The following CTNND2 variants were observed in gnomAD, a reference collection of about 807,000 sequenced individuals.
CTNND2 encodes catenin delta-2.
CTNND2 carries 22 observed loss-of-function variants against 144.4 expected under a neutral mutation model. That is an observed-to-expected ratio of 0.15 (90% CI 0.11 to 0.22). The LOEUF (loss-of-function observed/expected upper bound fraction) is 0.22. CTNND2 is among the 10% of genes least tolerant of loss of function. The pLI is 1.00. For missense variants in CTNND2, 1,353 were observed against 1,618.8 expected (o/e 0.84, Z 2.82); for synonymous variants, 751 against 695.6 (o/e 1.08, Z -1.25).
intron 3 of CTNND2, among the ~76,000 whole-genome samples, chr5:11,481,650 A>G (rs912689849): frequency 6.6e-6 from 1 of 152,142 alleles, no homozygotes; most frequent in Non-Finnish European, 1.5e-5. Context: ...AGAAAGAGAC[A>G]GAGAGACAGA....
At chr5:11,142,916 G>C (rs901471382) in intron 12 of CTNND2, among the ~76,000 whole-genome samples, 1 of 152,206 alleles carries the variant, frequency 6.6e-6, no homozygotes, top group African/African-American at 2.4e-5. Context: ...TTAGCCAACT[G>C]GTCTTGGGCA....
chr5:10,999,508 C>A (rs184634731), intron 18 of CTNND2, among the ~76,000 whole-genome samples: 1 of 152,130 alleles, frequency 6.6e-6, no homozygotes, highest in Non-Finnish European at 1.5e-5. Flanking sequence ...AGAATCACCA[C>A]GGTAACCGGG....
At chr5:11,634,514 G>T (rs555401187) in intron 2 of CTNND2, among the ~76,000 whole-genome samples, 2 of 152,236 alleles carry the variant, frequency 1.3e-5, no homozygotes, top group South Asian at 4.1e-4. Context: ...GGATGAGGAG[G>T]TTACAAACCA....
intron 3 of CTNND2, among the ~76,000 whole-genome samples, chr5:11,420,812 C>G (rs1373386463): frequency 6.6e-6 from 1 of 152,106 alleles, no homozygotes; most frequent in Non-Finnish European, 1.5e-5. Flanking sequence ...TTTGCTTTAA[C>G]TATTGCCATC....
chr5:11,413,618 T>C (rs903516144), intron 3 of CTNND2, among the ~76,000 whole-genome samples: 4 of 152,178 alleles, frequency 2.6e-5, no homozygotes, highest in Non-Finnish European at 5.9e-5. Context: ...TATATGTATT[T>C]TGGGGCCCTA....
At chr5:11,199,969 T>C (rs1737261136) in intron 10 of CTNND2, among the ~76,000 whole-genome samples, 1 of 152,214 alleles carries the variant, frequency 6.6e-6, no homozygotes, top group Admixed American at 6.5e-5. Flanking sequence ...ACCTCATGGA[T>C]GAAGCACATG....
At chr5:11,104,555 G>A (rs1027987278) in intron 14 of CTNND2, among the ~76,000 whole-genome samples, 7 of 152,112 alleles carry the variant, frequency 4.6e-5, no homozygotes, top group Admixed American at 4.6e-4. Flanking sequence ...CAGCTTTTGG[G>A]GGGTTAAAGG....
chr5:11,580,322 T>G (rs781163590), intron 2 of CTNND2, among the ~76,000 whole-genome samples: 2 of 152,194 alleles, frequency 1.3e-5, no homozygotes, highest in Non-Finnish European at 2.9e-5. Context: ...TTAAGGTATT[T>G]TCCATGGAGT....
chr5:11,084,259 G>A (rs1002732044), intron 15 of CTNND2, among the ~76,000 whole-genome samples: 27 of 152,300 alleles, frequency 1.8e-4, no homozygotes, highest in Non-Finnish European at 3.7e-4. Flanking sequence ...TGGGAATCCG[G>A]AACTGATATC....
chr5:11,438,925 T>A (rs1764010719), intron 3 of CTNND2, among the ~76,000 whole-genome samples: 1 of 152,090 alleles, frequency 6.6e-6, no homozygotes, highest in African/African-American at 2.4e-5. Flanking sequence ...AACATAGCGA[T>A]TAAAAAGTGG....
intron 9 of CTNND2, among the ~76,000 whole-genome samples, chr5:11,305,881 C>T (rs755023492): frequency 2.0e-5 from 3 of 152,138 alleles, no homozygotes; most frequent in Admixed American, 6.5e-5. Flanking sequence ...GGATGGCCCC[C>T]GAGGAAGGCC....
At chr5:11,128,887 A>AAT (rs1366437193) in intron 12 of CTNND2, among the ~76,000 whole-genome samples, 1 of 62,816 alleles carries the variant, frequency 1.6e-5, no homozygotes, top group African/African-American at 5.3e-5. Flanking sequence ...ATAATACATA[A>AAT]ATATATATTA....
chr5:10,977,158 G>T (rs989674387), intron 21 of CTNND2, among the ~76,000 whole-genome samples: 1 of 152,208 alleles, frequency 6.6e-6, no homozygotes, highest in African/African-American at 2.4e-5. Flanking sequence ...TCCTGGCTGG[G>T]GGACTGAAGG....
intron 9 of CTNND2, among the ~76,000 whole-genome samples, chr5:11,337,694 A>G (rs982080577): frequency 3.9e-5 from 6 of 152,232 alleles, no homozygotes; most frequent in African/African-American, 1.4e-4. Flanking sequence ...TTATTTGAGA[A>G]TTCAGTAGAT....
In CTNND2 at chr5:10,997,595, A is replaced by C. The variant is rs972078741; in HGVS notation, c.3085-4918T>G. ...AACAGAGCTAGACTCCATCTTAAAA[A>C]AAAAAAAAAAAAATTTAAATCCCTG... is the stretch of plus-strand genomic sequence containing the variant. On this transcript the variant is annotated intron_variant, in intron 18 of 21. Coordinates refer to ENST00000304623, the MANE Select transcript of CTNND2 (RefSeq NM_001332.4). Among the ~76,000 whole-genome samples the C allele has an allele frequency of 3.3e-5, 5 of 151,934 alleles. 1 individual carries two copies. Among genetic ancestry groups the C allele is most frequent in the Admixed American group, 1.3e-4 (2 of 15,248 alleles).
At chr5:11,718,344 T>C (rs548541324) in intron 2 of CTNND2, among the ~76,000 whole-genome samples, 2 of 152,328 alleles carry the variant, frequency 1.3e-5, no homozygotes, top group Admixed American at 6.5e-5. Context: ...CCAAGATTTC[T>C]GGAAACCCCA....
At chr5:11,704,081 T>C (rs1464494314) in intron 2 of CTNND2, among the ~76,000 whole-genome samples, 2 of 152,232 alleles carry the variant, frequency 1.3e-5, no homozygotes, top group African/African-American at 2.4e-5. Context: ...TGATTTTTCA[T>C]CAAAAATGTG....
In CTNND2 at chr5:11,509,755, G is replaced by A. The variant is rs183810098; in HGVS notation, c.287+55189C>T. ...TCTTTACTTCTCTTTCGGCAGAAATGTGGTTAAATTTTAACACAGACACAG... is the reference window on the plus strand; with the variant it reads ...TCTTTACTTCTCTTTCGGCAGAAATATGGTTAAATTTTAACACAGACACAG... On this transcript the variant is annotated intron_variant, in intron 3 of 21. Coordinates refer to ENST00000304623, the MANE Select transcript of CTNND2 (RefSeq NM_001332.4). 3.3e-5 allele frequency among the ~76,000 whole-genome samples: 5 copies of A among 152,266 alleles called. No individual in the cohort carries two copies. In the East Asian group the frequency reaches 9.6e-4, roughly 29 times the overall value.
At chr5:11,707,738 A>G (rs1297378573) in intron 2 of CTNND2, among the ~76,000 whole-genome samples, 2 of 152,244 alleles carry the variant, frequency 1.3e-5, no homozygotes, top group Non-Finnish European at 2.9e-5. Context: ...TCACTTTTGT[A>G]AGCCAATATT....
Sources: gnomAD v4.1 joint callset for allele counts (sites outside exome capture counted in the v4.1 genomes callset) on GRCh38, gnomAD v4.1.1 for gene constraint, MANE v1.5 for transcripts, NCBI Gene and HGNC (gene_info 2026-07-23, HGNC 2026-07-21) for gene names.